The following TRIO variants were observed in gnomAD, a reference collection of about 807,000 sequenced individuals.
TRIO encodes trio Rho guanine nucleotide exchange factor, also known as triple functional domain protein.
Under a neutral mutation model 351.9 loss-of-function variants are expected in TRIO, and 58 were observed. That is an observed-to-expected ratio of 0.16 (90% CI 0.13 to 0.21). The LOEUF (loss-of-function observed/expected upper bound fraction) is 0.21, where lower values mean the gene tolerates loss of function less well. Among genes scored for constraint, TRIO ranks in the 10% least tolerant of loss-of-function variants. TRIO has a pLI of 1.00. For missense variants in TRIO, 3,201 were observed against 4,027.8 expected (o/e 0.79, Z 5.56); for synonymous variants, 1,758 against 1,595.7 (o/e 1.10, Z -2.42).
intron 31 of TRIO, 49 bp downstream of exon 31, chr5:14,401,113 GC>G: frequency 6.8e-7 from 1 of 1,463,346 alleles, no homozygotes; most frequent in Non-Finnish European, 9.5e-7. Context: ...ATTTACTGTG[GC>G]CATCCATGCT....
Position 14,435,977 on chromosome 5 carries a change from G to A in TRIO, c.5203+15956G>A, listed in dbSNP as rs187592321. ...GGGTGCTAGGTATGCTCATTGCTGT[G>A]TGTTGCCATGGCTTCAGGCCCTCTT... is the stretch of plus-strand genomic sequence containing the variant. On this transcript the variant is annotated intron_variant, in intron 34 of 56. Coordinates refer to ENST00000344204, the MANE Select transcript of TRIO (RefSeq NM_007118.4). Among the ~76,000 whole-genome samples the A allele has an allele frequency of 8.5e-5, 13 of 152,282 alleles. No homozygotes were observed. In the East Asian group the frequency reaches 2.5e-3, roughly 29 times the overall value.
rs558464545 is a variant in TRIO at position 14,503,154 on chromosome 5, C to T, written c.8411+497C>T. ...GGCCCAGCAGTGCCATCAGACAGCC[C>T]GGCTTCTCTTGGCTCTGCCTCCAGG... On this transcript the variant is annotated intron_variant, in intron 54 of 56. Transcript: ENST00000344204. 3.9e-5 allele frequency among the ~76,000 whole-genome samples: 6 copies of T among 152,376 alleles called. No homozygotes were observed. The South Asian group carries it at 1.0e-3, about 26-fold the overall frequency.
intron 8 of TRIO, among the ~76,000 whole-genome samples, chr5:14,305,957 A>G (rs1298308750): frequency 6.6e-6 from 1 of 152,240 alleles, no homozygotes; most frequent in Non-Finnish European, 1.5e-5. Flanking sequence ...CATGCTGTAC[A>G]GGTTTGTAGC....
At chr5:14,436,188 G>A (rs763464956) in intron 34 of TRIO, among the ~76,000 whole-genome samples, 13 of 152,170 alleles carry the variant, frequency 8.5e-5, no homozygotes, top group South Asian at 2.1e-4. Context: ...CTGGGGAGGC[G>A]TCACAATCTT....
At chr5:14,423,177 T>C (rs1750322677) in intron 34 of TRIO, among the ~76,000 whole-genome samples, 1 of 152,196 alleles carries the variant, frequency 6.6e-6, no homozygotes, top group Admixed American at 6.5e-5. Flanking sequence ...AGCAGTCTTA[T>C]TTGTGTTTGT....
chr5:14,332,002 T>C (rs761637630), intron 10 of TRIO, among the ~76,000 whole-genome samples: 1 of 152,320 alleles, frequency 6.6e-6, no homozygotes, highest in East Asian at 1.9e-4. Flanking sequence ...TGTTTTAGAT[T>C]TTAAAAGTTA....
chr5:14,439,000 G>A (rs1561491687), intron 34 of TRIO, among the ~76,000 whole-genome samples: 2 of 152,004 alleles, frequency 1.3e-5, no homozygotes, highest in Admixed American at 6.5e-5. Context: ...TCTGACAGAT[G>A]TGAACTTGAG....
chr5:14,223,565 G>C (rs1253858267), intron 1 of TRIO, among the ~76,000 whole-genome samples: 1 of 152,144 alleles, frequency 6.6e-6, no homozygotes, highest in Non-Finnish European at 1.5e-5. Flanking sequence ...ATCTTATTAC[G>C]TAAAGAAACA....
chr5:14,205,041 G>T (rs1198508323), intron 1 of TRIO, among the ~76,000 whole-genome samples: 1 of 152,192 alleles, frequency 6.6e-6, no homozygotes, highest in Non-Finnish European at 1.5e-5. Flanking sequence ...TTTCCACCGT[G>T]GCTGCAGTAG....
intron 9 of TRIO, among the ~76,000 whole-genome samples, chr5:14,328,702 C>T (rs529754709): frequency 1.8e-4 from 27 of 152,262 alleles, no homozygotes; most frequent in Middle Eastern, 6.8e-3. Flanking sequence ...TAGAGGTCAT[C>T]GAATGCTGAC....
At chr5:14,248,535 G>T (rs571580684) in intron 1 of TRIO, among the ~76,000 whole-genome samples, 28 of 152,328 alleles carry the variant, frequency 1.8e-4, no homozygotes, top group African/African-American at 6.3e-4. Context: ...ACCTGCTGCC[G>T]TAGGTGAGGG....
At chr5:14,201,789 G>T (rs1294902523) in intron 1 of TRIO, among the ~76,000 whole-genome samples, 1 of 152,072 alleles carries the variant, frequency 6.6e-6, no homozygotes, top group Admixed American at 6.5e-5. Context: ...CAAAAATACA[G>T]AAATGATTAA....
intron 8 of TRIO, among the ~76,000 whole-genome samples, chr5:14,308,051 T>C (rs972063208): frequency 6.6e-6 from 1 of 152,184 alleles, no homozygotes. Flanking sequence ...TTTTGTACTT[T>C]CCCTGCCTAC....
chr5:14,325,715 A>T (rs928446896), intron 9 of TRIO, among the ~76,000 whole-genome samples: 3 of 152,246 alleles, frequency 2.0e-5, no homozygotes, highest in Non-Finnish European at 4.4e-5. Flanking sequence ...TTACTGAGAA[A>T]GAGGAATCCG....
At chr5:14,321,909 C>A (rs900588852) in intron 9 of TRIO, among the ~76,000 whole-genome samples, 4 of 152,178 alleles carry the variant, frequency 2.6e-5, no homozygotes, top group South Asian at 2.1e-4. Context: ...GTAAGACATG[C>A]CTTTGCTTCT....
chr5:14,303,672 C>G (rs1372548330), intron 7 of TRIO, among the ~76,000 whole-genome samples: 1 of 150,110 alleles, frequency 6.7e-6, no homozygotes, highest in Non-Finnish European at 1.5e-5. Context: ...ATTGGGATGG[C>G]TGCTGCAGAA....
intron 34 of TRIO, among the ~76,000 whole-genome samples, chr5:14,449,569 C>A (rs545475919): frequency 6.6e-6 from 1 of 152,148 alleles, no homozygotes; most frequent in African/African-American, 2.4e-5. Context: ...TCCTGGAAGC[C>A]AACAGCCTAG....
chr5:14,392,644 C>G (rs537664564), intron 27 of TRIO, among the ~76,000 whole-genome samples: 37 of 152,332 alleles, frequency 2.4e-4, no homozygotes, highest in African/African-American at 8.4e-4. Flanking sequence ...TATTGCGGCA[C>G]TGTTCACAAT....
At chr5:14,491,880 C>G (rs1579818634) in intron 48 of TRIO, among the ~76,000 whole-genome samples, 1 of 152,172 alleles carries the variant, frequency 6.6e-6, no homozygotes, top group Admixed American at 6.5e-5. Flanking sequence ...GGCAGCAGAG[C>G]CTTGGGGACA....
Sources: gnomAD v4.1 joint callset for allele counts (sites outside exome capture counted in the v4.1 genomes callset) on GRCh38, gnomAD v4.1.1 for gene constraint, MANE v1.5 for transcripts, NCBI Gene and HGNC (gene_info 2026-07-23, HGNC 2026-07-21) for gene names.